The following AKAP1 variants were observed in gnomAD, a reference collection of about 807,000 sequenced individuals.
The protein encoded by AKAP1 is A-kinase anchoring protein 1.
Under a neutral mutation model 79.8 loss-of-function variants are expected in AKAP1, and 32 were observed. That is an observed-to-expected ratio of 0.40 (90% CI 0.30 to 0.54). The LOEUF (loss-of-function observed/expected upper bound fraction) is 0.54. AKAP1 is among the 20% of genes least tolerant of loss of function. The probability of loss-of-function intolerance (pLI) is 0.47; values close to 1 mark genes in which losing one functional copy is unlikely to be tolerated. For missense variants in AKAP1, 961 were observed against 1,138.9 expected (o/e 0.84, Z 2.25); for synonymous variants, 416 against 466.7 (o/e 0.89, Z 1.40).
chr17:57,092,166 T>C (rs1335226836), intron 1 of AKAP1: 1 of 152,180 alleles, frequency 6.6e-6, no homozygotes, highest in Non-Finnish European at 1.5e-5. Flanking sequence ...TTCTTTACTG[T>C]GATGACACAG....
chr17:57,086,088 G>A lies in AKAP1; in HGVS notation c.-25+690G>A. 4.0e-6 allele frequency: 1 copy of A among 252,874 alleles called. No individual in the cohort carries two copies. Among genetic ancestry groups the A allele is most frequent in the Non-Finnish European group, 7.9e-6 (1 of 125,944 alleles). 15.7% of individuals were successfully genotyped at this position (252,874 alleles called of 1,614,324 possible). A position where few individuals can be genotyped will look rare whatever the true frequency, so the allele number is the denominator to read the frequency against. ...TGGGGTCTGGAGGTCGGAGGCTCAG[G>A]GGCGTCTCGGGGGGAATTTGCATTC... On this transcript the variant is annotated intron_variant, in intron 1 of 10. Transcript: ENST00000337714. This position sits in a 1 kb window ranked among gnomAD's most constrained non-coding sequence, Gnocchi z 5.1.
At chr17:57,110,666 T>A (rs1915184137) in intron 3 of AKAP1, among the ~76,000 whole-genome samples, 1 of 152,244 alleles carries the variant, frequency 6.6e-6, no homozygotes. Flanking sequence ...TTCCTTCTCA[T>A]CTTGCACCCT....
At position 57,106,103 on chromosome 17, in the gene AKAP1, G is replaced by A. The variant is rs1427962707; in HGVS notation, c.639G>A (p.Lys213=). 4 of 1,605,696 alleles carry A rather than the reference G, an allele frequency of 2.5e-6. No individual in the cohort carries two copies. Among genetic ancestry groups the A allele is most frequent in the East Asian group, 2.2e-5 (1 of 44,768 alleles). ...CTGGTGATGCCGTGTTGGGGGAAAA[G>A]GTGCTTGAAGAAGCTCTGTTGTCTC... The part of the protein sequence containing the change: ...EGTGDAVLGE[K]VLEEALLSRE... The change falls in exon 2 of 11, where the codon AAG becomes AAA. Residue 213 remains lysine, a synonymous_variant. Transcript: ENST00000337714.
chr17:57,110,558 A>G (rs539512746), intron 3 of AKAP1, among the ~76,000 whole-genome samples: 13 of 152,366 alleles, frequency 8.5e-5, no homozygotes, highest in African/African-American at 3.1e-4. Context: ...CAAAGCATAA[A>G]TCCATATTTT....
intron 1 of AKAP1, among the ~76,000 whole-genome samples, chr17:57,102,813 C>T (rs1914608247): frequency 6.6e-6 from 1 of 152,132 alleles, no homozygotes; most frequent in Non-Finnish European, 1.5e-5. Context: ...ATTCATTTGG[C>T]TGGGCACCGT....
rs1325982129 is a variant in AKAP1 at position 57,106,724 on chromosome 17, C to T, written c.1260C>T (p.Pro420=). 1.2e-6 allele frequency: 2 copies of T among 1,613,972 alleles called. No homozygotes were observed. Among genetic ancestry groups the T allele is most frequent in the Non-Finnish European group, 1.7e-6 (2 of 1,180,018 alleles). The change falls in exon 2 of 11, where the codon CCC becomes CCT. Residue 420 remains proline (P), a synonymous_variant. Coordinates refer to ENST00000337714, the MANE Select transcript of AKAP1 (RefSeq NM_003488.4). ...TTGCCCCGCCGGATGCTGGCCTCCCCTTGCCAGGCCTACCAGCAGAGGGCT... is the reference window on the plus strand; with the variant it reads ...TTGCCCCGCCGGATGCTGGCCTCCCTTTGCCAGGCCTACCAGCAGAGGGCT... ...AAVAPPDAGL[P]LPGLPAEGSP... is the part of the protein sequence containing the mutation.
rs201694957 is a variant in AKAP1 at position 57,119,034 on chromosome 17, T to C, written c.2627T>C (p.Val876Ala). ...GLPLIQLWSV[V>A]GDEVVLINRS... ...CCTCTGATTCAGCTGTGGAGTGTGG[T>C]TGGAGATGAAGTAAGTTCTGCCCTT... Residue 876 changes from valine (V) to alanine (A), a missense_variant, in exon 10 of 11, where the codon GTT becomes GCT. Around this residue, in one of 3 missense-constraint regions of AKAP1, gnomAD observed 629 missense variants for 781.1 expected, o/e 0.81. Coordinates refer to ENST00000337714, the MANE Select transcript of AKAP1 (RefSeq NM_003488.4). The C allele has an allele frequency of 4.3e-6, 7 of 1,613,670 alleles. No homozygotes were observed. The highest frequency in any genetic ancestry group is 1.1e-5 in the South Asian group (1 of 91,050).
intron 2 of AKAP1, chr17:57,107,935 T>C (rs1387584535): frequency 7.8e-6 from 10 of 1,289,210 alleles, no homozygotes; most frequent in Non-Finnish European, 1.0e-5. Context: ...AGCCATTTTC[T>C]TTCTGTGCAG....
intron 1 of AKAP1, among the ~76,000 whole-genome samples, chr17:57,091,555 A>G (rs1274572717): frequency 2.0e-5 from 3 of 152,016 alleles, no homozygotes; most frequent in Non-Finnish European, 4.4e-5. Flanking sequence ...CAGGCATGTG[A>G]CTGAGGCAGC....
chr17:57,096,394 C>T (rs936259667), intron 1 of AKAP1: 1 of 152,210 alleles, frequency 6.6e-6, no homozygotes, highest in African/African-American at 2.4e-5. Flanking sequence ...GAGTTCCTGA[C>T]AGCTGCTCTA....
At chr17:57,119,313 G>A (rs1299603154) in intron 10 of AKAP1, among the ~76,000 whole-genome samples, 3 of 152,214 alleles carry the variant, frequency 2.0e-5, no homozygotes, top group East Asian at 3.9e-4. Flanking sequence ...TGTCAATAGC[G>A]CCAAGGTGGA....
At chr17:57,112,381 G>C (rs1309013759) in intron 4 of AKAP1, 110 bp from the exon 5 acceptor site, 2 of 1,361,676 alleles carry the variant, frequency 1.5e-6, no homozygotes, top group African/African-American at 2.9e-5. Context: ...AGATGCACTT[G>C]AACTCTATGC....
chr17:57,111,505 C>T (rs547616846), intron 3 of AKAP1, among the ~76,000 whole-genome samples: 1 of 152,292 alleles, frequency 6.6e-6, no homozygotes, highest in South Asian at 2.1e-4. Context: ...CTGCTTGGTC[C>T]TGGAGCCAGA....
At chr17:57,100,628 A>G (rs1041909974) in intron 1 of AKAP1, among the ~76,000 whole-genome samples, 5 of 152,146 alleles carry the variant, frequency 3.3e-5, no homozygotes, top group African/African-American at 4.8e-5. Flanking sequence ...AAATAAATAA[A>G]TAAGTAAACA....
At chr17:57,114,139 C>T (rs1377958824) in intron 5 of AKAP1, among the ~76,000 whole-genome samples, 1 of 152,168 alleles carries the variant, frequency 6.6e-6, no homozygotes, top group Non-Finnish European at 1.5e-5. Context: ...GGACCCTGCC[C>T]AGGCCTGTGC....
At chr17:57,092,642 G>T (rs1048156370) in intron 1 of AKAP1, 1 of 152,206 alleles carries the variant, frequency 6.6e-6, no homozygotes. Context: ...TACCTGTCAT[G>T]CTACCAGCCA....
intron 1 of AKAP1, chr17:57,095,339 ATTT>A (rs1010561296): frequency 6.7e-6 from 1 of 148,762 alleles, no homozygotes; most frequent in African/African-American, 2.5e-5. Context: ...TTAAAAAAAA[ATTT>A]TTTTTTTGTA....
intron 1 of AKAP1, chr17:57,095,484 T>TTTTTTTTC (rs1567898353): frequency 8.0e-6 from 1 of 125,684 alleles, no homozygotes; most frequent in Non-Finnish European, 1.8e-5. Flanking sequence ...TTTTTTTTTT[T>TTTTTTTTC]TCTTCTGCCC....
intron 7 of AKAP1, 45 bp downstream of exon 7, chr17:57,116,306 G>A: frequency 6.2e-7 from 1 of 1,610,944 alleles, no homozygotes; most frequent in Non-Finnish European, 8.5e-7. Flanking sequence ...GCTTGTTCTG[G>A]GATGCGTGAT....
Sources: allele counts gnomAD v4.1 joint callset (sites outside exome capture counted in the v4.1 genomes callset), GRCh38; gene constraint gnomAD v4.1.1; regional missense constraint gnomAD v4.1.1; non-coding constraint Gnocchi (gnomAD v3.1); transcripts MANE v1.5; gene names NCBI Gene and HGNC (gene_info 2026-07-23, HGNC 2026-07-21).